The following NELL2 variants were observed in gnomAD, a reference collection of about 807,000 sequenced individuals.
The protein encoded by NELL2 is neural EGFL like 2, also known as protein kinase C-binding protein NELL2.
NELL2 carries 41 observed loss-of-function variants against 109.6 expected under a neutral mutation model. The observed-to-expected ratio is 0.37, with a 90% CI of 0.29 to 0.49. NELL2 has a LOEUF of 0.49. NELL2 is among the 20% of genes least tolerant of loss of function. The probability of loss-of-function intolerance (pLI) is 0.98; values close to 1 mark genes in which losing one functional copy is unlikely to be tolerated. For missense variants in NELL2, 900 were observed against 1,008.3 expected (o/e 0.89, Z 1.45); for synonymous variants, 355 against 344.7 (o/e 1.03, Z -0.33).
At chr12:44,658,877 C>CAAACA (rs1491099049) in intron 13 of NELL2, among the ~76,000 whole-genome samples, 2 of 69,926 alleles carry the variant, frequency 2.9e-5, no homozygotes, top group Non-Finnish European at 5.9e-5. Flanking sequence ...ACTCTGTCTC[C>CAAACA]AAAAAAAAAA....
intron 12 of NELL2, among the ~76,000 whole-genome samples, chr12:44,684,382 T>C (rs1456124715): frequency 1.3e-5 from 2 of 152,284 alleles, no homozygotes; most frequent in East Asian, 3.9e-4. Context: ...CTGGATTCGT[T>C]AATTTTTTGA....
Position 44,756,548 on chromosome 12 carries a change from T to A in NELL2, c.994+18199A>T, listed in dbSNP as rs144383591. 7.0e-4 allele frequency among the ~76,000 whole-genome samples: 106 copies of A among 152,152 alleles called. 1 individual carries two copies. Among genetic ancestry groups the A allele is most frequent in the Admixed American group, 3.7e-3 (56 of 15,262 alleles). On this transcript the variant is annotated intron_variant, in intron 9 of 19. Coordinates refer to ENST00000429094, the MANE Select transcript of NELL2 (RefSeq NM_001145108.2). ...CAGCCACTCTAATCTGGCGTCCTTT[T>A]CCAGGCCACCAAAAATGCTTTAAAA...
chr12:44,864,923 T>C (rs1243743589), intron 2 of NELL2, among the ~76,000 whole-genome samples: 2 of 150,224 alleles, frequency 1.3e-5, no homozygotes, highest in Non-Finnish European at 3.0e-5. Context: ...TTTCTAGTTC[T>C]AGATCCCTGA....
At chr12:44,609,087 G>A (rs1945513001) in intron 14 of NELL2, among the ~76,000 whole-genome samples, 1 of 151,720 alleles carries the variant, frequency 6.6e-6, no homozygotes, top group African/African-American at 2.4e-5. Flanking sequence ...CCCATTTTGA[G>A]TTAGGTTTTG....
chr12:44,563,515 T>G (rs547871907), intron 15 of NELL2, among the ~76,000 whole-genome samples: 8 of 152,262 alleles, frequency 5.3e-5, no homozygotes, highest in Admixed American at 2.0e-4. Context: ...CATCCATAGT[T>G]TTTTGGGGAA....
At chr12:44,580,040 G>A (rs539055590) in intron 15 of NELL2, among the ~76,000 whole-genome samples, 2 of 152,186 alleles carry the variant, frequency 1.3e-5, no homozygotes, top group Non-Finnish European at 2.9e-5. Context: ...CAAAAAATAC[G>A]TGTTTCAGAA....
chr12:44,780,092 T>G, intron 3 of NELL2, 70 bp from the exon 4 acceptor site: 1 of 1,526,400 alleles, frequency 6.6e-7, no homozygotes, highest in South Asian at 1.2e-5. Flanking sequence ...GATCTCTGTC[T>G]ACGGGATGGA....
At chr12:44,791,042 T>C (rs750704721) in intron 3 of NELL2, among the ~76,000 whole-genome samples, 3 of 118,444 alleles carry the variant, frequency 2.5e-5, no homozygotes, top group Non-Finnish European at 5.1e-5. Context: ...AGAAAGGAGA[T>C]AGACACCAAG....
At chr12:44,620,009 T>C (rs1339055465) in intron 13 of NELL2, among the ~76,000 whole-genome samples, 5 of 152,144 alleles carry the variant, frequency 3.3e-5, no homozygotes, top group Non-Finnish European at 7.4e-5. Flanking sequence ...AGAAACACTT[T>C]AGATAACTTA....
intron 13 of NELL2, among the ~76,000 whole-genome samples, chr12:44,616,467 A>G (rs1212511493): frequency 6.6e-6 from 1 of 152,086 alleles, no homozygotes; most frequent in Admixed American, 6.5e-5. Context: ...GTGACAACCA[A>G]CCTCTAGTCG....
intron 9 of NELL2, among the ~76,000 whole-genome samples, chr12:44,754,243 A>G (rs1451808406): frequency 1.3e-5 from 2 of 152,198 alleles, no homozygotes; most frequent in Non-Finnish European, 2.9e-5. Flanking sequence ...AACAAATCTA[A>G]TATAACTGGA....
intron 9 of NELL2, among the ~76,000 whole-genome samples, chr12:44,755,183 C>T (rs536022198): frequency 1.5e-3 from 229 of 151,886 alleles, no homozygotes; most frequent in African/African-American, 5.2e-3. Context: ...AAGAACACCA[C>T]ATGCCCCATG....
intron 9 of NELL2, among the ~76,000 whole-genome samples, chr12:44,752,463 T>G (rs1418031708): frequency 6.6e-6 from 1 of 152,206 alleles, no homozygotes; most frequent in East Asian, 1.9e-4. Flanking sequence ...TGATCTTAAA[T>G]GATTCACCCA....
intron 2 of NELL2, among the ~76,000 whole-genome samples, chr12:44,869,046 A>C (rs945791808): frequency 3.9e-5 from 6 of 152,210 alleles, no homozygotes; most frequent in Non-Finnish European, 8.8e-5. Flanking sequence ...ACATAAAACA[A>C]AAACAAAAGT....
At chr12:44,590,924 C>T (rs7979288) in intron 15 of NELL2, among the ~76,000 whole-genome samples, 2,392 of 148,898 alleles carry the variant, frequency 0.016, 49 homozygotes, top group African/African-American at 0.056. Flanking sequence ...CTTGACTCAA[C>T]AGAAAAAAAC....
At chr12:44,803,681 T>C (rs1357603355) in intron 3 of NELL2, among the ~76,000 whole-genome samples, 1 of 152,018 alleles carries the variant, frequency 6.6e-6, no homozygotes, top group Non-Finnish European at 1.5e-5. Flanking sequence ...GGAGCATAAG[T>C]TGATATCCTT....
At chr12:44,756,212 C>T (rs1044434330) in intron 9 of NELL2, among the ~76,000 whole-genome samples, 5 of 152,214 alleles carry the variant, frequency 3.3e-5, no homozygotes, top group Non-Finnish European at 4.4e-5. Flanking sequence ...TAGCAAAGTT[C>T]GAATTCTTCA....
chr12:44,644,995 T>C (rs1418859811), intron 13 of NELL2, among the ~76,000 whole-genome samples: 1 of 151,972 alleles, frequency 6.6e-6, no homozygotes, highest in Non-Finnish European at 1.5e-5. Flanking sequence ...GAAAAGGTAA[T>C]TTTTAGGTTA....
At chr12:44,583,044 GCTTC>G (rs1286988984) in intron 15 of NELL2, among the ~76,000 whole-genome samples, 1 of 152,126 alleles carries the variant, frequency 6.6e-6, no homozygotes. Flanking sequence ...GGACTTCCCA[GCTTC>G]CGGAACGGTA....
Sources: allele counts gnomAD v4.1 joint callset (sites outside exome capture counted in the v4.1 genomes callset), GRCh38; gene constraint gnomAD v4.1.1; transcripts MANE v1.5; gene names NCBI Gene and HGNC (gene_info 2026-07-23, HGNC 2026-07-21).